Variants in LRP11 observed in about 807,000 individuals in gnomAD.
LRP11 encodes the protein LDL receptor related protein 11.
Under a neutral mutation model 43.1 loss-of-function variants are expected in LRP11, and 25 were observed. The ratio of observed to expected loss-of-function variants is 0.58; its 90% CI spans 0.42 to 0.81. The LOEUF is 0.81. Ranked by LOEUF, LRP11 falls within the 30% of genes least tolerant of loss-of-function variation. The pLI is 0.00. For synonymous variants in LRP11, 316 were observed against 299.4 expected (o/e 1.06, Z -0.57); for missense variants, 623 against 665.1 (o/e 0.94, Z 0.70).
At position 149,827,775 on chromosome 6, in the gene LRP11, C is replaced by G. The variant is rs1776358735; in HGVS notation, c.1253-1416G>C. On this transcript the variant is annotated intron_variant, in intron 5 of 6. Transcript: ENST00000239367. This position sits in a 1 kb window ranked among gnomAD's most constrained non-coding sequence, Gnocchi z 4.2. ...CTCTTATATGATACCTGATCCCAGGCCAGGTAGTTCTATAAGATTGTATTA... is the reference window on the plus strand; with the variant it reads ...CTCTTATATGATACCTGATCCCAGGGCAGGTAGTTCTATAAGATTGTATTA... Among the ~76,000 whole-genome samples the G allele has an allele frequency of 6.6e-6, 1 of 152,206 alleles. No homozygotes were observed. The highest frequency in any genetic ancestry group is 2.4e-5 in the African/African-American group (1 of 41,446).
chr6:149,821,925 A>AC (rs1164241568), intron 6 of LRP11, among the ~76,000 whole-genome samples: 1 of 151,982 alleles, frequency 6.6e-6, no homozygotes. Context: ...AATAAATACC[A>AC]CCCCCCTCAA....
At chr6:149,820,861 C>T (rs942502956) in intron 6 of LRP11, among the ~76,000 whole-genome samples, 158 bp from the exon 7 acceptor site, 2 of 151,120 alleles carry the variant, frequency 1.3e-5, no homozygotes, top group African/African-American at 4.9e-5. Context: ...TAAGGTGTAC[C>T]AAGGTTAAGT....
chr6:149,826,881 G>A (rs959869411), intron 5 of LRP11, among the ~76,000 whole-genome samples: 1 of 151,908 alleles, frequency 6.6e-6, no homozygotes. Context: ...ATGCAAACTG[G>A]TTTCTTGGTA....
In LRP11 at chr6:149,863,850, C is replaced by T; in HGVS notation, c.171G>A (p.Gln57=). Residue 57 remains glutamine (Q), a synonymous_variant, in exon 1 of 7, where the codon CAG becomes CAA. Transcript: ENST00000239367. ...ELHAQLSGVE[Q]LLEEFRRQLQ... is the part of the protein sequence containing the mutation. ...GTTGCCGGCGGAACTCCTCCAGCAGCTGCTCCACGCCCGACAGCTGCGCGT... is the reference window on the plus strand; with the variant it reads ...GTTGCCGGCGGAACTCCTCCAGCAGTTGCTCCACGCCCGACAGCTGCGCGT... 10 of 1,513,368 alleles carry T rather than the reference C, an allele frequency of 6.6e-6. No individual in the cohort carries two copies. The highest frequency in any genetic ancestry group is 8.8e-6 in the Non-Finnish European group (10 of 1,140,028). The allele number at this position is 1,513,368 out of a possible 1,614,324, so 93.7% of individuals were successfully genotyped here. A position where few individuals can be genotyped will look rare whatever the true frequency, so the allele number is the denominator to read the frequency against.
chr6:149,861,175 G>C (rs1376648886), intron 1 of LRP11, among the ~76,000 whole-genome samples: 2 of 152,094 alleles, frequency 1.3e-5, no homozygotes, highest in African/African-American at 4.8e-5. Context: ...ATTCAAGAAG[G>C]AAAAACTTAG....
At position 149,843,060 on chromosome 6, in the gene LRP11, G is replaced by T; in HGVS notation, c.836C>A (p.Thr279Asn). The change falls in exon 3 of 7, where the codon ACC becomes AAC. Residue 279 changes from threonine (T) to asparagine (N), a missense_variant. Physicochemically the swap from Thr to Asn is moderately conservative, Grantham distance 65 (BLOSUM62 0). Coordinates refer to ENST00000239367, the MANE Select transcript of LRP11 (RefSeq NM_032832.6). Reference protein sequence around the residue: ...LQEGTYTFQLTVTDTAGQRSS... With the variant: ...LQEGTYTFQLNVTDTAGQRSS... ...TCTCTGCCCGGCAGTGTCCGTCACG[G>T]TCAGCTGGAAGGTGTAGGTTCCCTC... 6.2e-7 allele frequency: 1 copy of T among 1,614,218 alleles called. No homozygotes were observed. The highest frequency in any genetic ancestry group is 8.5e-7 in the Non-Finnish European group (1 of 1,180,032).
chr6:149,829,603 T>A (rs560189616), intron 5 of LRP11, among the ~76,000 whole-genome samples: 3 of 151,570 alleles, frequency 2.0e-5, no homozygotes, highest in Non-Finnish European at 2.9e-5. Context: ...AAAAATAAAA[T>A]TAAAAATGAG....
intron 6 of LRP11, 135 bp downstream of exon 6, chr6:149,826,129 G>C (rs990923563): frequency 1.3e-6 from 1 of 760,738 alleles, no homozygotes; most frequent in Non-Finnish European, 2.4e-6. Flanking sequence ...AAGCAACGAG[G>C]AGACAGTTCT....
chr6:149,843,776 C>A (rs552990205), intron 2 of LRP11, among the ~76,000 whole-genome samples: 10 of 152,316 alleles, frequency 6.6e-5, no homozygotes, highest in Non-Finnish European at 4.4e-5. Context: ...CCCATCTCCA[C>A]TTGGCTCCCT....
In LRP11 at chr6:149,863,855, C is replaced by G; in HGVS notation, c.166G>C (p.Glu56Gln). The change falls in exon 1 of 7, where the codon GAG (glutamate) becomes CAG (glutamine). Residue 56 changes from glutamate (E) to glutamine (Q), a missense_variant. Coordinates refer to ENST00000239367, the MANE Select transcript of LRP11 (RefSeq NM_032832.6). Reference protein sequence around the residue: ...SELHAQLSGVEQLLEEFRRQL... With the variant: ...SELHAQLSGVQQLLEEFRRQL... ...CGGCGGAACTCCTCCAGCAGCTGCT[C>G]CACGCCCGACAGCTGCGCGTGCAGT... 6.6e-7 allele frequency: 1 copy of G among 1,511,790 alleles called. No homozygotes were observed. Among genetic ancestry groups the G allele is most frequent in the Admixed American group, 2.0e-5 (1 of 49,970 alleles). 93.6% of individuals were successfully genotyped at this position (1,511,790 alleles called of 1,614,324 possible).
chr6:149,858,517 T>G lies in LRP11; in HGVS notation c.613+4891A>C, dbSNP rs533206952. On this transcript the variant is annotated intron_variant, in intron 1 of 6. Coordinates refer to ENST00000239367, the MANE Select transcript of LRP11 (RefSeq NM_032832.6). ...GCCACAATAAACATACATGTGCATG[T>G]GTCTTTATAGTAGCATGATTTATAA... 5.3e-5 allele frequency among the ~76,000 whole-genome samples: 8 copies of G among 152,360 alleles called. No homozygotes were observed. The East Asian group carries it at 1.5e-3, about 29-fold the overall frequency.
rs890626239 is a variant in LRP11, at chr6:149,836,763, C to CA, written c.1040-467dup. 3.0e-4 allele frequency among the ~76,000 whole-genome samples: 45 copies of CA among 151,806 alleles called. 1 individual carries two copies. The highest frequency in any genetic ancestry group is 1.1e-3 in the African/African-American group (44 of 41,286). ...TGGGGAAGTCGAGGCTGCAGTGAGC[C>CA]ATGATTATGCCACTGCACTCCAGCC... On this transcript the variant is annotated intron_variant, in intron 4 of 6. Coordinates refer to ENST00000239367, the MANE Select transcript of LRP11 (RefSeq NM_032832.6).
At chr6:149,826,433 GC>G in intron 5 of LRP11, 74 bp from the exon 6 acceptor site, 1 of 1,058,374 alleles carries the variant, frequency 9.4e-7, no homozygotes, top group South Asian at 1.4e-5. Flanking sequence ...TGAAAATACA[GC>G]CTTATTTTTT....
intron 3 of LRP11, among the ~76,000 whole-genome samples, chr6:149,838,182 G>C (rs562464009): frequency 6.6e-6 from 1 of 151,992 alleles, no homozygotes; most frequent in South Asian, 2.1e-4. Context: ...GCCTCCCAAA[G>C]TGCTGGGATT....
At chr6:149,839,926 A>G (rs1291308086) in intron 3 of LRP11, among the ~76,000 whole-genome samples, 4 of 152,226 alleles carry the variant, frequency 2.6e-5, no homozygotes, top group Non-Finnish European at 5.9e-5. Context: ...ATCAGCAAAA[A>G]TATAAACTCT....
intron 1 of LRP11, among the ~76,000 whole-genome samples, chr6:149,860,809 C>G (rs1776880710): frequency 6.6e-6 from 1 of 152,226 alleles, no homozygotes; most frequent in African/African-American, 2.4e-5. Flanking sequence ...TCTGCTGGTG[C>G]TGCTGGAGAA....
rs145559833 is a variant in LRP11, at chr6:149,828,874, C to T, written c.1253-2515G>A. On this transcript the variant is annotated intron_variant, in intron 5 of 6. Transcript: ENST00000239367. The stretch of plus-strand genomic sequence containing the variant: ...ACTACAGAGACTCCAGTGAATGTTC[C>T]TGAGCTTTTGCTTGGTAGAGATATA... 5.9e-3 allele frequency among the ~76,000 whole-genome samples: 892 copies of T among 152,164 alleles called. 5 individuals carry two copies. Among genetic ancestry groups the T allele is most frequent in the African/African-American group, 0.02 (851 of 41,514 alleles).
At chr6:149,849,129 T>C (rs1776683020) in intron 2 of LRP11, among the ~76,000 whole-genome samples, 2 of 152,308 alleles carry the variant, frequency 1.3e-5, no homozygotes, top group East Asian at 1.9e-4. Flanking sequence ...TGGACTAAGA[T>C]AATCATTTAG....
At chr6:149,859,087 G>A (rs1444002971) in intron 1 of LRP11, among the ~76,000 whole-genome samples, 1 of 151,858 alleles carries the variant, frequency 6.6e-6, no homozygotes, top group African/African-American at 2.4e-5. Flanking sequence ...TATTCCAGAA[G>A]TATGAAATGA....
Sources: allele counts gnomAD v4.1 joint callset (sites outside exome capture counted in the v4.1 genomes callset), GRCh38; gene constraint gnomAD v4.1.1; non-coding constraint Gnocchi (gnomAD v3.1); transcripts MANE v1.5; gene names NCBI Gene and HGNC (gene_info 2026-07-23, HGNC 2026-07-21).